Variants in AHCYL2 observed in about 807,000 individuals in gnomAD.
The protein encoded by AHCYL2 is adenosylhomocysteinase like 2.
AHCYL2 carries 28 observed loss-of-function variants against 81.4 expected under a neutral mutation model. The observed-to-expected ratio is 0.34, with a 90% CI of 0.25 to 0.47. The LOEUF (loss-of-function observed/expected upper bound fraction) is 0.47. AHCYL2 is among the 20% of genes least tolerant of loss of function. The pLI, the probability that AHCYL2 is intolerant of heterozygous loss-of-function variation, is 1.00. For missense variants in AHCYL2, 551 were observed against 785.1 expected (o/e 0.70, Z 3.56); for synonymous variants, 272 against 290.2 (o/e 0.94, Z 0.64).
chr7:129,295,264 C>G (rs1797014967), intron 1 of AHCYL2, among the ~76,000 whole-genome samples: 1 of 152,168 alleles, frequency 6.6e-6, no homozygotes, highest in Non-Finnish European at 1.5e-5. Context: ...TCTGTGAAGC[C>G]AGAGCAATCT....
chr7:129,242,520 A>AG, intron 1 of AHCYL2, among the ~76,000 whole-genome samples: 1 of 152,226 alleles, frequency 6.6e-6, no homozygotes, highest in South Asian at 2.1e-4. Context: ...GTTTGAGACC[A>AG]GTCTGGCCAA....
At chr7:129,227,846 T>C (rs1794285679) in intron 1 of AHCYL2, among the ~76,000 whole-genome samples, 1 of 152,180 alleles carries the variant, frequency 6.6e-6, no homozygotes, top group Non-Finnish European at 1.5e-5. Flanking sequence ...ACAACTTCTC[T>C]GCTGAAAGTT....
At chr7:129,229,021 A>G (rs907634637) in intron 1 of AHCYL2, among the ~76,000 whole-genome samples, 11 of 151,410 alleles carry the variant, frequency 7.3e-5, no homozygotes, top group African/African-American at 2.2e-4. Flanking sequence ...CAGTAAGGCA[A>G]TTGGCAGTTG....
intron 1 of AHCYL2, among the ~76,000 whole-genome samples, chr7:129,357,369 T>C (rs1026469222): frequency 2.0e-5 from 3 of 152,242 alleles, no homozygotes; most frequent in Non-Finnish European, 4.4e-5. Flanking sequence ...CTAGGTGAAG[T>C]ACATATGGAA....
chr7:129,288,261 C>T (rs1314409299), intron 1 of AHCYL2, among the ~76,000 whole-genome samples: 2 of 151,614 alleles, frequency 1.3e-5, no homozygotes, highest in African/African-American at 4.8e-5. Context: ...GCAGAATTTC[C>T]CTGAGTCTGA....
intron 1 of AHCYL2, among the ~76,000 whole-genome samples, chr7:129,356,974 T>A (rs1418865950): frequency 6.6e-6 from 1 of 152,214 alleles, no homozygotes; most frequent in Non-Finnish European, 1.5e-5. Context: ...TTTTAATATA[T>A]AAAGGCTGGT....
intron 1 of AHCYL2, among the ~76,000 whole-genome samples, chr7:129,255,431 A>T (rs1217798512): frequency 6.6e-6 from 1 of 152,256 alleles, no homozygotes; most frequent in East Asian, 1.9e-4. Context: ...TGTTGACAGT[A>T]TATCTGAATT....
chr7:129,350,946 C>T (rs1174949642), intron 1 of AHCYL2, among the ~76,000 whole-genome samples: 1 of 152,006 alleles, frequency 6.6e-6, no homozygotes, highest in Non-Finnish European at 1.5e-5. Flanking sequence ...TCAGGTGATC[C>T]ACCCTCCTCG....
Position 129,426,968 on chromosome 7 carries a change from G to A in AHCYL2, c.1830-71G>A. Reference sequence around the variant, plus strand: ...CTCTGCCTCCCTGTTACACCTTTAGGCAGGCTCTTCATGTCCCAGCATCCC... The same window carrying A: ...CTCTGCCTCCCTGTTACACCTTTAGACAGGCTCTTCATGTCCCAGCATCCC... On this transcript the variant is annotated intron_variant, in intron 16 of 16. Coordinates refer to ENST00000325006, the MANE Select transcript of AHCYL2 (RefSeq NM_015328.4). The surrounding 1 kb of genome is among the most constrained non-coding windows in gnomAD (Gnocchi z 4.3). The A allele has an allele frequency of 6.6e-7, 1 of 1,510,188 alleles. No homozygotes were observed. Among genetic ancestry groups the A allele is most frequent in the Non-Finnish European group, 9.2e-7 (1 of 1,089,278 alleles). 93.5% of individuals were successfully genotyped at this position (1,510,188 alleles called of 1,614,324 possible). A position where few individuals can be genotyped will look rare whatever the true frequency, so the allele number is the denominator to read the frequency against.
Position 129,413,628 on chromosome 7 carries a change from C to T in AHCYL2, c.1401C>T (p.Asp467=). ...ATGTGGTAACCAGAGAGCACTTGGA[C>T]CGTATGAAGAATAGCTGCATCGTTT... ...NKNVVTREHL[D]RMKNSCIVCN... The change falls in exon 12 of 17, where the codon GAC becomes GAT. Residue 467 remains aspartate (D), a synonymous_variant. Coordinates refer to ENST00000325006, the MANE Select transcript of AHCYL2 (RefSeq NM_015328.4). The T allele has an allele frequency of 1.1e-5, 17 of 1,614,130 alleles. No individual in the cohort carries two copies. Among genetic ancestry groups the T allele is most frequent in the Non-Finnish European group, 1.4e-5 (17 of 1,180,030 alleles).
At chr7:129,403,011 C>A (rs1056625382) in intron 6 of AHCYL2, among the ~76,000 whole-genome samples, 1 of 151,240 alleles carries the variant, frequency 6.6e-6, no homozygotes, top group African/African-American at 2.4e-5. Flanking sequence ...ATTTAAAGTC[C>A]CTTTAGGCTT....
intron 1 of AHCYL2, among the ~76,000 whole-genome samples, chr7:129,280,647 T>C (rs936924334): frequency 2.0e-5 from 3 of 152,106 alleles, no homozygotes; most frequent in Non-Finnish European, 4.4e-5. Flanking sequence ...CATACAATGT[T>C]GAATAGAAGT....
At chr7:129,305,765 C>T (rs75285448) in intron 1 of AHCYL2, among the ~76,000 whole-genome samples, 138 of 152,286 alleles carry the variant, frequency 9.1e-4, no homozygotes, top group African/African-American at 3.2e-3. Context: ...TTTAGTGTTT[C>T]GTATAAGACA....
chr7:129,375,228 A>G (rs1169190155), intron 1 of AHCYL2, among the ~76,000 whole-genome samples: 1 of 152,194 alleles, frequency 6.6e-6, no homozygotes, highest in Non-Finnish European at 1.5e-5. Flanking sequence ...GAACTGAGAA[A>G]ATTGATTTCC....
chr7:129,235,257 C>CTT (rs74870180), intron 1 of AHCYL2, among the ~76,000 whole-genome samples: 3 of 144,972 alleles, frequency 2.1e-5, no homozygotes, highest in African/African-American at 7.5e-5. Flanking sequence ...CATTCTTCTT[C>CTT]TTTTTTTTTT....
rs540732067 is a variant in AHCYL2, at chr7:129,264,144, C to T, written c.363+38705C>T. On this transcript the variant is annotated intron_variant, in intron 1 of 16. Coordinates refer to ENST00000325006, the MANE Select transcript of AHCYL2 (RefSeq NM_015328.4). ...TCACACCATTCTCCTGCTTCAGCCTCCTAAGTAGCTGGGACTACAGGCACC... is the reference window on the plus strand; with the variant it reads ...TCACACCATTCTCCTGCTTCAGCCTTCTAAGTAGCTGGGACTACAGGCACC... Among the ~76,000 whole-genome samples, 351 of 152,340 alleles carry T rather than the reference C, an allele frequency of 2.3e-3. 3 individuals carry two copies. Among genetic ancestry groups the T allele is most frequent in the African/African-American group, 8.2e-3 (341 of 41,576 alleles).
chr7:129,398,730 A>G (rs1053091499), intron 5 of AHCYL2, among the ~76,000 whole-genome samples: 2 of 152,068 alleles, frequency 1.3e-5, no homozygotes, highest in Non-Finnish European at 2.9e-5. Flanking sequence ...TAAGAGCTGT[A>G]AGGGCAAATG....
At chr7:129,378,742 T>G (rs974851581) in intron 1 of AHCYL2, among the ~76,000 whole-genome samples, 1 of 152,222 alleles carries the variant, frequency 6.6e-6, no homozygotes, top group Non-Finnish European at 1.5e-5. Context: ...AATTTTCTCA[T>G]CTAGATATGT....
chr7:129,280,899 C>T (rs965597869), intron 1 of AHCYL2, among the ~76,000 whole-genome samples: 1 of 149,216 alleles, frequency 6.7e-6, no homozygotes, highest in African/African-American at 2.5e-5. Flanking sequence ...GAGTCTCGCT[C>T]TGTCGCCCAG....
Sources: gnomAD v4.1 joint callset for allele counts (sites outside exome capture counted in the v4.1 genomes callset) on GRCh38, gnomAD v4.1.1 for gene constraint, Gnocchi (gnomAD v3.1) non-coding constraint, MANE v1.5 for transcripts, NCBI Gene and HGNC (gene_info 2026-07-23, HGNC 2026-07-21) for gene names.